NHSL3: variants seen among roughly 807,000 people sequenced by gnomAD.
NHSL3 encodes NHS like 3.
At chr1:32,742,795 C>T in the NHSL3 span, among the ~76,000 whole-genome samples, 30 of 152,240 alleles carry the variant, frequency 2.0e-4, no homozygotes, top group African/African-American at 5.8e-4. Flanking sequence ...GTAGTGAGCT[C>T]ACCAAGGTGA....
chr1:32,762,384 ACT>A, the NHSL3 span, among the ~76,000 whole-genome samples: 2 of 148,832 alleles, frequency 1.3e-5, no homozygotes, highest in African/African-American at 2.5e-5. Context: ...TAGTTCACAG[ACT>A]CTCTTTCACA....
At chr1:32,773,778 G>A in the NHSL3 span, 1 of 152,782 alleles carries the variant, frequency 6.5e-6, no homozygotes, top group African/African-American at 2.4e-5. Context: ...CTGAGGAGGT[G>A]GATGGAAGGG....
chr1:32,743,298 T>G, the NHSL3 span, among the ~76,000 whole-genome samples: 36 of 152,192 alleles, frequency 2.4e-4, no homozygotes, highest in Admixed American at 2.4e-3. Context: ...CTGGGAGAGT[T>G]AGAAGGAACA....
the NHSL3 span, among the ~76,000 whole-genome samples, chr1:32,765,300 C>T: frequency 2.7e-3 from 324 of 121,580 alleles, 1 homozygote; most frequent in African/African-American, 7.7e-3. Flanking sequence ...CTGCAGGCTC[C>T]GAGCTCTTTC....
chr1:32,746,099 C>T, the NHSL3 span, among the ~76,000 whole-genome samples: 3 of 151,592 alleles, frequency 2.0e-5, no homozygotes, highest in South Asian at 2.1e-4. Context: ...GGTGTGGTGT[C>T]GGGCGCCTGT....
At chr1:32,754,301 G>A in the NHSL3 span, 31 of 578,604 alleles carry the variant, frequency 5.4e-5, no homozygotes, top group Admixed American at 2.8e-4. Context: ...GGGAATCCCC[G>A]CGCAGACCCC....
At chr1:32,766,026 G>A in the NHSL3 span, among the ~76,000 whole-genome samples, 1 of 152,136 alleles carries the variant, frequency 6.6e-6, no homozygotes, top group African/African-American at 2.4e-5. Flanking sequence ...CTGCTTGTGG[G>A]TTGGGAGGAT....
chr1:32,746,215 A>G, the NHSL3 span, among the ~76,000 whole-genome samples: 1 of 140,664 alleles, frequency 7.1e-6, no homozygotes, highest in Non-Finnish European at 1.5e-5. Context: ...TGGGCGACAG[A>G]GCGAGACTCC....
the NHSL3 span, chr1:32,769,858 A>G: frequency 1.9e-6 from 3 of 1,610,258 alleles, no homozygotes; most frequent in Non-Finnish European, 2.5e-6. Flanking sequence ...TGCTGACCCC[A>G]CCTCCTCCCT....
the NHSL3 span, among the ~76,000 whole-genome samples, chr1:32,752,508 C>T: frequency 6.6e-6 from 1 of 152,148 alleles, no homozygotes; most frequent in South Asian, 2.1e-4. Context: ...CAATGGGGCC[C>T]TGGGCAGGTC....
At chr1:32,757,057 G>A in the NHSL3 span, among the ~76,000 whole-genome samples, 1 of 152,226 alleles carries the variant, frequency 6.6e-6, no homozygotes, top group Non-Finnish European at 1.5e-5. Flanking sequence ...CATTGTGAAT[G>A]TAAACCTCGG....
the NHSL3 span, chr1:32,769,692 T>A: frequency 6.2e-7 from 1 of 1,613,640 alleles, no homozygotes; most frequent in East Asian, 2.2e-5. Context: ...TCCGACCCCA[T>A]GACTCATTTC....
chr1:32,767,257 A>C, the NHSL3 span, among the ~76,000 whole-genome samples: 29 of 152,154 alleles, frequency 1.9e-4, no homozygotes, highest in African/African-American at 7.0e-4. Context: ...CAATGTATTT[A>C]CTATGGGCTA....
At chr1:32,764,221 G>A in the NHSL3 span, among the ~76,000 whole-genome samples, 12 of 38,226 alleles carry the variant, frequency 3.1e-4, no homozygotes, top group East Asian at 2.2e-3. Context: ...CCCGCCCCCC[G>A]GCCCCACCAA....
chr1:32,757,794 C>T, the NHSL3 span, among the ~76,000 whole-genome samples: 2 of 152,162 alleles, frequency 1.3e-5, no homozygotes, highest in African/African-American at 4.8e-5. Context: ...AAAACTCAAG[C>T]CTGTCACATT....
chr1:32,751,630 G>T, the NHSL3 span, among the ~76,000 whole-genome samples: 1 of 152,138 alleles, frequency 6.6e-6, no homozygotes, highest in Non-Finnish European at 1.5e-5. Context: ...CATTAAGGAA[G>T]CACTGAGCTG....
chr1:32,747,011 G>T, the NHSL3 span, among the ~76,000 whole-genome samples: 1 of 152,224 alleles, frequency 6.6e-6, no homozygotes, highest in Non-Finnish European at 1.5e-5. Flanking sequence ...ACTCCAGTCA[G>T]TTCACTGTGG....
chr1:32,773,284 C>T, the NHSL3 span: 3 of 225,956 alleles, frequency 1.3e-5, no homozygotes, highest in Non-Finnish European at 2.7e-5. Flanking sequence ...AATCAAAGCA[C>T]TTTTGAAAAG....
chr1:32,770,720 T>C, the NHSL3 span: 1 of 1,550,666 alleles, frequency 6.4e-7, no homozygotes, highest in Non-Finnish European at 8.7e-7. This position sits in a 1 kb window ranked among gnomAD's most constrained non-coding sequence, Gnocchi z 8.3. Context: ...GGCTTAGCAG[T>C]GCCTGATGGG....
Sources: allele counts gnomAD v4.1 joint callset (sites outside exome capture counted in the v4.1 genomes callset), GRCh38; gene constraint gnomAD v4.1.1; non-coding constraint Gnocchi (gnomAD v3.1); transcripts MANE v1.5; gene names NCBI Gene and HGNC (gene_info 2026-07-23, HGNC 2026-07-21).